EDIL3: variants seen among roughly 807,000 people sequenced by gnomAD.
The protein encoded by EDIL3 is EGF-like repeat and discoidin I-like domain-containing protein 3.
EDIL3 carries 37 observed loss-of-function variants against 67.4 expected under a neutral mutation model. That is an observed-to-expected ratio of 0.55 (90% CI 0.42 to 0.72). The LOEUF is 0.72. Among genes scored for constraint, EDIL3 ranks in the 30% least tolerant of loss-of-function variants. The pLI, the probability that EDIL3 is intolerant of heterozygous loss-of-function variation, is 0.00. For synonymous variants in EDIL3, 195 were observed against 196.3 expected (o/e 0.99, Z 0.05); for missense variants, 527 against 586.3 (o/e 0.90, Z 1.04).
intron 9 of EDIL3, among the ~76,000 whole-genome samples, chr5:83,966,094 C>T (rs1435893085): frequency 2.0e-5 from 3 of 152,058 alleles, no homozygotes; most frequent in Admixed American, 6.6e-5. Flanking sequence ...CCGCTCTGCC[C>T]TCTTGAAGAT....
At chr5:84,097,410 C>T (rs1218631567) in intron 6 of EDIL3, among the ~76,000 whole-genome samples, 1 of 152,002 alleles carries the variant, frequency 6.6e-6, no homozygotes. Flanking sequence ...AATTTCTTTC[C>T]TTGTATTATG....
intron 4 of EDIL3, among the ~76,000 whole-genome samples, chr5:84,141,957 AT>A: frequency 7.4e-6 from 1 of 134,956 alleles, no homozygotes; most frequent in African/African-American, 2.8e-5. Context: ...ACATAGATCT[AT>A]CTATCTATCT....
At chr5:84,151,932 G>C (rs1300707159) in intron 4 of EDIL3, among the ~76,000 whole-genome samples, 1 of 115,286 alleles carries the variant, frequency 8.7e-6, no homozygotes, top group African/African-American at 3.4e-5. Flanking sequence ...TCTTTTTTTT[G>C]AGATGGACTC....
intron 3 of EDIL3, among the ~76,000 whole-genome samples, chr5:84,224,436 C>A (rs756775314): frequency 3.3e-5 from 5 of 151,320 alleles, no homozygotes; most frequent in Admixed American, 1.3e-4. Context: ...AGTCAATATT[C>A]AAATTTATAT....
intron 3 of EDIL3, among the ~76,000 whole-genome samples, chr5:84,207,433 G>T (rs1381482850): frequency 2.0e-5 from 3 of 152,124 alleles, no homozygotes; most frequent in African/African-American, 7.2e-5. Flanking sequence ...CATGCTCATG[G>T]GTAGGAAGAA....
chr5:83,988,419 T>C (rs545132295), intron 9 of EDIL3, among the ~76,000 whole-genome samples: 3 of 152,334 alleles, frequency 2.0e-5, no homozygotes, highest in South Asian at 2.1e-4. Context: ...CCATAAGTGC[T>C]AGAGGAAAAC....
intron 9 of EDIL3, among the ~76,000 whole-genome samples, chr5:84,031,089 C>G (rs937249720): frequency 3.3e-5 from 5 of 152,142 alleles, no homozygotes; most frequent in African/African-American, 4.8e-5. Context: ...CTAATCTCCT[C>G]TTCTTTTAAG....
chr5:84,123,907 T>C (rs544970660), intron 5 of EDIL3, among the ~76,000 whole-genome samples: 159 of 152,082 alleles, frequency 1.0e-3, no homozygotes, highest in African/African-American at 3.7e-3. Context: ...TGCAGTTTTC[T>C]ACTATTTTTT....
intron 9 of EDIL3, among the ~76,000 whole-genome samples, chr5:84,037,985 C>CTTTTTTTTTTTTTT (rs1580292622): frequency 2.0e-5 from 2 of 99,620 alleles, no homozygotes; most frequent in Admixed American, 1.1e-4. Flanking sequence ...TTCTTTCTTT[C>CTTTTTTTTTTTTTT]TTGTTTTTTT....
chr5:83,976,216 T>C (rs1429271969), intron 9 of EDIL3, among the ~76,000 whole-genome samples: 1 of 151,890 alleles, frequency 6.6e-6, no homozygotes. Context: ...GCATTTTCTT[T>C]AAAAAGTAAC....
intron 9 of EDIL3, among the ~76,000 whole-genome samples, chr5:84,023,386 A>G (rs1745752920): frequency 6.6e-6 from 1 of 152,020 alleles, no homozygotes; most frequent in South Asian, 2.1e-4. Context: ...GTAGTACACA[A>G]ATTACCTTTG....
intron 9 of EDIL3, chr5:84,048,278 A>G (rs769793252): frequency 2.3e-6 from 1 of 442,918 alleles, no homozygotes; most frequent in South Asian, 1.6e-5. Context: ...TTCTCCTGTA[A>G]ATAAATTGTT....
intron 10 of EDIL3, among the ~76,000 whole-genome samples, chr5:83,955,701 C>T (rs1744503424): frequency 6.6e-6 from 1 of 151,704 alleles, no homozygotes; most frequent in Non-Finnish European, 1.5e-5. Context: ...TGCCCCCAAC[C>T]CACCCTAATA....
chr5:84,208,733 T>C (rs886252478), intron 3 of EDIL3, among the ~76,000 whole-genome samples: 9 of 142,170 alleles, frequency 6.3e-5, no homozygotes, highest in African/African-American at 2.4e-4. Context: ...CAACAGGTGC[T>C]AGAGAGGATG....
At chr5:84,218,096 G>A (rs1464072268) in intron 3 of EDIL3, among the ~76,000 whole-genome samples, 1 of 152,124 alleles carries the variant, frequency 6.6e-6, no homozygotes, top group Non-Finnish European at 1.5e-5. Context: ...GTTTTAAAAA[G>A]TTGAATTTCT....
chr5:83,967,287 C>T (rs1744706248), intron 9 of EDIL3, among the ~76,000 whole-genome samples: 1 of 152,022 alleles, frequency 6.6e-6, no homozygotes, highest in Non-Finnish European at 1.5e-5. Flanking sequence ...TGCCACTGTA[C>T]TCCAGCCTGG....
At chr5:83,977,402 A>G (rs934747696) in intron 9 of EDIL3, among the ~76,000 whole-genome samples, 5 of 151,656 alleles carry the variant, frequency 3.3e-5, no homozygotes, top group Admixed American at 2.0e-4. Flanking sequence ...TTCTCAATCA[A>G]TTTTTTTTCT....
intron 1 of EDIL3, among the ~76,000 whole-genome samples, chr5:84,338,624 A>G (rs1168700202): frequency 6.6e-6 from 1 of 152,178 alleles, no homozygotes; most frequent in Admixed American, 6.5e-5. Flanking sequence ...TGGTTAAATA[A>G]GCCTTGTAAC....
At chr5:84,180,578 G>C (rs1295756022) in intron 3 of EDIL3, 57 bp from the exon 4 acceptor site, 2 of 1,477,630 alleles carry the variant, frequency 1.4e-6, no homozygotes, top group East Asian at 2.4e-5. Flanking sequence ...GTAGACATTA[G>C]GTCAACATTT....
Sources: allele counts gnomAD v4.1 joint callset (sites outside exome capture counted in the v4.1 genomes callset), GRCh38; gene constraint gnomAD v4.1.1; transcripts MANE v1.5; gene names NCBI Gene and HGNC (gene_info 2026-07-23, HGNC 2026-07-21).